Variants in ASTN2 observed in about 807,000 individuals in gnomAD.
ASTN2 encodes astrotactin 2, also known as astrotactin-2.
ASTN2 carries 54 observed loss-of-function variants against 139.8 expected under a neutral mutation model. The observed-to-expected ratio is 0.39, with a 90% CI of 0.31 to 0.48. The LOEUF (loss-of-function observed/expected upper bound fraction) is 0.48, where lower values mean the gene tolerates loss of function less well. Among genes scored for constraint, ASTN2 ranks in the 20% least tolerant of loss-of-function variants. ASTN2 has a pLI of 0.95. For synonymous variants in ASTN2, 756 were observed against 719.5 expected (o/e 1.05, Z -0.81); for missense variants, 1,565 against 1,725.1 (o/e 0.91, Z 1.64).
At chr9:117,081,721 C>A (rs574062609) in intron 5 of ASTN2, among the ~76,000 whole-genome samples, 1 of 152,192 alleles carries the variant, frequency 6.6e-6, no homozygotes, top group Non-Finnish European at 1.5e-5. Flanking sequence ...GTGTGATGAT[C>A]TCCTGCTGGC....
intron 16 of ASTN2, among the ~76,000 whole-genome samples, chr9:116,688,887 A>C (rs940264452): frequency 1.3e-5 from 2 of 151,930 alleles, no homozygotes; most frequent in Non-Finnish European, 2.9e-5. Context: ...CAGAAAAAAA[A>C]AAGGGAACCC....
At chr9:117,141,683 T>G (rs1564446444) in intron 3 of ASTN2, among the ~76,000 whole-genome samples, 1 of 152,222 alleles carries the variant, frequency 6.6e-6, no homozygotes, top group Non-Finnish European at 1.5e-5. Flanking sequence ...TCTGTTGGAT[T>G]ACATACTTAT....
At chr9:117,213,717 T>C (rs1832217432) in intron 3 of ASTN2, among the ~76,000 whole-genome samples, 2 of 152,204 alleles carry the variant, frequency 1.3e-5, no homozygotes, top group South Asian at 2.1e-4. Context: ...CAGCCCTGGA[T>C]CATTCCTGCC....
At position 116,733,388 on chromosome 9, in the gene ASTN2, A is replaced by G. The variant is rs745339190; in HGVS notation, c.2521+11T>C. ...AGGGAACCTGGGAAGGGTCTGGCAC[A>G]TGTGTCTTACCAGTGAGCAGTTGGA... On this transcript the variant is annotated intron_variant, in intron 14 of 22. Transcript: ENST00000313400. 4 of 1,613,686 alleles carry G rather than the reference A, an allele frequency of 2.5e-6. No individual in the cohort carries two copies. The highest frequency in any genetic ancestry group is 3.4e-6 in the Non-Finnish European group (4 of 1,179,816).
chr9:117,097,567 G>A (rs1293736816), intron 4 of ASTN2, among the ~76,000 whole-genome samples: 1 of 152,144 alleles, frequency 6.6e-6, no homozygotes, highest in Admixed American at 6.5e-5. Flanking sequence ...TCTGGGAGGA[G>A]ACTTAAGAAT....
chr9:116,440,040 G>A (rs907711577), intron 22 of ASTN2, among the ~76,000 whole-genome samples: 1 of 152,170 alleles, frequency 6.6e-6, no homozygotes, highest in Admixed American at 6.6e-5. Context: ...GCTTTATGAA[G>A]CTTTAGAAAA....
intron 10 of ASTN2, among the ~76,000 whole-genome samples, chr9:116,962,503 A>T (rs1423221086): frequency 6.6e-6 from 1 of 152,308 alleles, no homozygotes; most frequent in East Asian, 1.9e-4. Context: ...GTCTTCAGGA[A>T]TGCTGGTCTT....
At chr9:117,413,773 C>T (rs1430498597) in intron 1 of ASTN2, among the ~76,000 whole-genome samples, 1 of 152,190 alleles carries the variant, frequency 6.6e-6, no homozygotes, top group Admixed American at 6.5e-5. Flanking sequence ...GCTGCAAGGA[C>T]AAACCGGCTC....
intron 2 of ASTN2, among the ~76,000 whole-genome samples, chr9:117,231,528 T>C (rs534425494): frequency 3.9e-5 from 6 of 152,334 alleles, no homozygotes; most frequent in Non-Finnish European, 7.4e-5. Context: ...TAAAACAAAA[T>C]AATCGATACA....
intron 19 of ASTN2, among the ~76,000 whole-genome samples, chr9:116,544,373 G>A (rs982920029): frequency 6.6e-6 from 1 of 152,128 alleles, no homozygotes; most frequent in Middle Eastern, 3.2e-3. Flanking sequence ...ACCAAAAAAA[G>A]ATGTTTTGCA....
chr9:117,228,147 A>T (rs1832774201), intron 2 of ASTN2, among the ~76,000 whole-genome samples: 1 of 152,104 alleles, frequency 6.6e-6, no homozygotes, highest in Non-Finnish European at 1.5e-5. Flanking sequence ...TAAGGACTTC[A>T]TTGATAATCA....
At chr9:116,953,363 C>G (rs1244353346) in intron 10 of ASTN2, among the ~76,000 whole-genome samples, 1 of 152,152 alleles carries the variant, frequency 6.6e-6, no homozygotes, top group South Asian at 2.1e-4. Flanking sequence ...ATTGTTTTGG[C>G]TAGAGAGCAG....
chr9:116,766,877 A>G (rs1218520498), intron 13 of ASTN2, among the ~76,000 whole-genome samples: 2 of 151,936 alleles, frequency 1.3e-5, no homozygotes, highest in African/African-American at 2.4e-5. Context: ...ATAAACACAC[A>G]CATTCACACT....
At chr9:117,114,724 G>A (rs1829335159) in intron 4 of ASTN2, among the ~76,000 whole-genome samples, 1 of 152,112 alleles carries the variant, frequency 6.6e-6, no homozygotes, top group Admixed American at 6.6e-5. Flanking sequence ...TTGACTAAAA[G>A]AAAATGACAG....
chr9:116,760,895 C>A (rs1829656470), intron 13 of ASTN2, among the ~76,000 whole-genome samples: 1 of 152,124 alleles, frequency 6.6e-6, no homozygotes, highest in Non-Finnish European at 1.5e-5. Context: ...GTAGGAACAC[C>A]AAACCTACTC....
chr9:116,889,767 AC>A (rs1833715596), intron 10 of ASTN2, among the ~76,000 whole-genome samples: 35 of 140,204 alleles, frequency 2.5e-4, no homozygotes, highest in African/African-American at 8.7e-4. Flanking sequence ...ACACACACAC[AC>A]ACAAATAAGA....
At chr9:117,243,601 T>C (rs1041278773) in intron 2 of ASTN2, among the ~76,000 whole-genome samples, 13 of 152,190 alleles carry the variant, frequency 8.5e-5, no homozygotes, top group Non-Finnish European at 4.4e-5. Context: ...TCCTACAAGG[T>C]CAGTGTGACT....
chr9:116,511,051 T>C (rs573536254), intron 19 of ASTN2, among the ~76,000 whole-genome samples: 15 of 152,026 alleles, frequency 9.9e-5, no homozygotes, highest in African/African-American at 3.6e-4. Flanking sequence ...TCAATAGGAG[T>C]GGTGAGAGAG....
chr9:116,658,986 A>G (rs1350221246), intron 16 of ASTN2, among the ~76,000 whole-genome samples: 1 of 152,144 alleles, frequency 6.6e-6, no homozygotes, highest in Non-Finnish European at 1.5e-5. Flanking sequence ...ATAATAGATT[A>G]GATGTGGTCT....
Sources: allele counts gnomAD v4.1 joint callset (sites outside exome capture counted in the v4.1 genomes callset), GRCh38; gene constraint gnomAD v4.1.1; transcripts MANE v1.5; gene names NCBI Gene and HGNC (gene_info 2026-07-23, HGNC 2026-07-21).